Variants in SLC13A1 observed in about 807,000 individuals in gnomAD.
The protein encoded by SLC13A1 is solute carrier family 13 member 1, also known as Na(+)/sulfate cotransporter.
In SLC13A1, 65 loss-of-function variants were observed where a neutral mutation model predicts 70.0. The observed-to-expected ratio is 0.93, with a 90% CI of 0.76 to 1.14. SLC13A1 has a LOEUF of 1.14. Among genes scored for constraint, SLC13A1 ranks in the 50% most tolerant of loss-of-function variants. The pLI is 0.00. For synonymous variants in SLC13A1, 275 were observed against 250.5 expected, an observed-to-expected ratio of 1.10 and a Z score of -0.92; for missense variants, 726 against 717.8, an observed-to-expected ratio of 1.01 and a Z score of -0.13.
At chr7:123,169,742 G>C (rs1202383520) in intron 3 of SLC13A1, among the ~76,000 whole-genome samples, 1 of 152,102 alleles carries the variant, frequency 6.6e-6, no homozygotes, top group Non-Finnish European at 1.5e-5. Flanking sequence ...TGAATTTAAG[G>C]TCCCTTATTT....
intron 6 of SLC13A1, among the ~76,000 whole-genome samples, chr7:123,157,210 T>C (rs1794740717): frequency 3.3e-5 from 5 of 152,128 alleles, no homozygotes; most frequent in Admixed American, 3.3e-4. Context: ...TAGTATGAAC[T>C]CTTCATGAAG....
chr7:123,176,092 C>T (rs561166628), intron 2 of SLC13A1, among the ~76,000 whole-genome samples: 77 of 152,324 alleles, frequency 5.1e-4, no homozygotes, highest in Non-Finnish European at 1.0e-3. Context: ...AGGCAGCAGG[C>T]TGATTTGGCC....
intron 1 of SLC13A1, among the ~76,000 whole-genome samples, chr7:123,193,716 A>G (rs1796075468): frequency 6.6e-6 from 1 of 152,102 alleles, no homozygotes; most frequent in Non-Finnish European, 1.5e-5. Context: ...GACCTCTCTG[A>G]GTTTCTGTTC....
intron 1 of SLC13A1, among the ~76,000 whole-genome samples, chr7:123,185,463 G>A (rs1244185035): frequency 6.6e-6 from 1 of 152,016 alleles, no homozygotes; most frequent in African/African-American, 2.4e-5. Flanking sequence ...TTTGCATATA[G>A]TGAGATATAT....
intron 13 of SLC13A1, among the ~76,000 whole-genome samples, chr7:123,118,107 C>T (rs1282366621): frequency 2.0e-5 from 3 of 152,018 alleles, no homozygotes; most frequent in Non-Finnish European, 4.4e-5. Context: ...GAGCATACAG[C>T]TGGTGAGCAA....
chr7:123,149,827 A>G (rs941572337), intron 6 of SLC13A1, among the ~76,000 whole-genome samples: 3 of 152,198 alleles, frequency 2.0e-5, no homozygotes, highest in Non-Finnish European at 4.4e-5. Context: ...GTATGTAGTT[A>G]TGCCCAGTTA....
chr7:123,115,646 C>T lies in SLC13A1; in HGVS notation c.1660G>A (p.Gly554Arg). Residue 554 changes from glycine to arginine, a missense_variant, in exon 15 of 15, where the codon GGA (glycine) becomes AGA (arginine). Gly to Arg is a moderately radical substitution (Grantham distance 125). Coordinates refer to ENST00000194130, the MANE Select transcript of SLC13A1 (RefSeq NM_022444.4). ...HLKVIDMVKAGLGVNIVGVAV... is the reference protein window; with the variant it reads ...HLKVIDMVKARLGVNIVGVAV... ...ACACCAACAATGTTGACACCAAGTC[C>T]AGCTTTAACCTTGAACAGGAAAGAG... 1.9e-6 allele frequency: 3 copies of T among 1,613,670 alleles called. No homozygotes were observed. The highest frequency in any genetic ancestry group is 2.5e-6 in the Non-Finnish European group (3 of 1,179,698).
chr7:123,172,999 A>G (rs1403228289), intron 2 of SLC13A1, among the ~76,000 whole-genome samples: 1 of 152,120 alleles, frequency 6.6e-6, no homozygotes, highest in Non-Finnish European at 1.5e-5. Flanking sequence ...TAGGTGGAGC[A>G]CTTCATGAGA....
At chr7:123,187,545 C>T (rs1795846825) in intron 1 of SLC13A1, among the ~76,000 whole-genome samples, 1 of 152,156 alleles carries the variant, frequency 6.6e-6, no homozygotes, top group Non-Finnish European at 1.5e-5. Flanking sequence ...TCTCCTCCAC[C>T]ATTCCCAAAG....
At chr7:123,128,989 C>A in intron 9 of SLC13A1, 43 bp from the exon 10 acceptor site, 2 of 1,349,592 alleles carry the variant, frequency 1.5e-6, no homozygotes, top group South Asian at 2.4e-5. Flanking sequence ...TTTTCTCAGT[C>A]GGGACATTTG....
In SLC13A1 at chr7:123,169,217, C is replaced by T. The variant is rs772701288; in HGVS notation, c.484G>A (p.Glu162Lys). The T allele has an allele frequency of 7.4e-6, 12 of 1,614,110 alleles. No individual in the cohort carries two copies. Among genetic ancestry groups the T allele is most frequent in the Non-Finnish European group, 1.0e-5 (12 of 1,179,994 alleles). The stretch of plus-strand genomic sequence containing the variant: ...ATCTGAGTGGCCTCGACCTCTGCTT[C>T]TGCATTGATGATCTGCTGCACTACA... ...EAVVQQIINA[E>K]AEVEATQMTY... Residue 162 changes from glutamate (E) to lysine (K), a missense_variant, in exon 4 of 15, where the codon GAA becomes AAA. By Grantham distance (56) the Glu-to-Lys change is moderately conservative. Transcript: ENST00000194130.
intron 7 of SLC13A1, among the ~76,000 whole-genome samples, chr7:123,135,886 A>G (rs1793933367): frequency 6.6e-6 from 1 of 152,212 alleles, no homozygotes; most frequent in Admixed American, 6.5e-5. Flanking sequence ...ATGATAATTA[A>G]AGATGTTAGA....
At chr7:123,143,524 G>T (rs996773984) in intron 7 of SLC13A1, among the ~76,000 whole-genome samples, 2 of 152,048 alleles carry the variant, frequency 1.3e-5, no homozygotes, top group East Asian at 3.9e-4. Context: ...TGATTTCAAT[G>T]ACTTACAATT....
At chr7:123,179,918 T>C (rs1024992654) in intron 2 of SLC13A1, among the ~76,000 whole-genome samples, 1 of 152,122 alleles carries the variant, frequency 6.6e-6, no homozygotes, top group Non-Finnish European at 1.5e-5. Flanking sequence ...CTTTTTTTAT[T>C]CCCGATATTG....
intron 10 of SLC13A1, among the ~76,000 whole-genome samples, chr7:123,127,169 G>T (rs1793589271): frequency 6.6e-6 from 1 of 151,876 alleles, no homozygotes; most frequent in Non-Finnish European, 1.5e-5. Flanking sequence ...TATTTGTTTT[G>T]GGTTTGCCAA....
chr7:123,152,475 T>C (rs1794589317), intron 6 of SLC13A1, among the ~76,000 whole-genome samples: 1 of 152,102 alleles, frequency 6.6e-6, no homozygotes, highest in Non-Finnish European at 1.5e-5. Flanking sequence ...CTAGTAACAT[T>C]GTACAAGGGT....
At chr7:123,155,344 CTTTAT>C (rs1794675456) in intron 6 of SLC13A1, among the ~76,000 whole-genome samples, 2 of 151,482 alleles carry the variant, frequency 1.3e-5, no homozygotes, top group South Asian at 2.1e-4. Flanking sequence ...TACATTTATA[CTTTAT>C]TTTATATTTA....
chr7:123,116,243 A>G (rs781218672), intron 14 of SLC13A1, among the ~76,000 whole-genome samples: 1 of 152,198 alleles, frequency 6.6e-6, no homozygotes, highest in Non-Finnish European at 1.5e-5. Context: ...TCTACAGTCC[A>G]TTAAACAATC....
intron 1 of SLC13A1, among the ~76,000 whole-genome samples, chr7:123,195,989 C>A (rs1344913549): frequency 6.6e-6 from 1 of 151,806 alleles, no homozygotes; most frequent in Non-Finnish European, 1.5e-5. Context: ...AATAAAAATA[C>A]AAAGAAAATC....
Sources: gnomAD v4.1 joint callset for allele counts (sites outside exome capture counted in the v4.1 genomes callset) on GRCh38, gnomAD v4.1.1 for gene constraint, MANE v1.5 for transcripts, NCBI Gene and HGNC (gene_info 2026-07-23, HGNC 2026-07-21) for gene names.